Variants in MSR1 observed in about 807,000 individuals in gnomAD.
The protein encoded by MSR1 is macrophage scavenger receptor 1, also known as macrophage scavenger receptor types I and II.
In MSR1, 53 loss-of-function variants were observed where a neutral mutation model predicts 47.2. That is an observed-to-expected ratio of 1.12 (90% CI 0.90 to 1.41). The LOEUF is 1.41. Among genes scored for constraint, MSR1 ranks in the 40% most tolerant of loss-of-function variants. The pLI is 0.00. For missense variants in MSR1, 786 were observed against 546.9 expected (o/e 1.44, Z -4.36); for synonymous variants, 239 against 185.6 (o/e 1.29, Z -2.34).
intron 1 of MSR1, among the ~76,000 whole-genome samples, chr8:16,179,036 GTGGAA>G (rs1470111717): frequency 6.6e-6 from 1 of 152,150 alleles, no homozygotes; most frequent in East Asian, 1.9e-4. Flanking sequence ...ACAGATGTAT[GTGGAA>G]CCCTCTCATG....
Position 16,120,725 on chromosome 8 carries a change from TA to T in MSR1, c.1034-120del, listed in dbSNP as rs1321683414. ...AAAAATGTTTAGCACATTTTCCAAA[TA>T]ACTTCAACTATTGGAATAAATATTA... On this transcript the variant is annotated intron_variant, in intron 8 of 9. Transcript: ENST00000262101. 6.8e-6 allele frequency: 8 copies of T among 1,182,288 alleles called. 1 individual carries two copies. In the African/African-American group the frequency reaches 1.3e-4, roughly 19 times the overall value. 73.2% of individuals were successfully genotyped at this position (1,182,288 alleles called of 1,614,324 possible). A position where few individuals can be genotyped will look rare whatever the true frequency, so the allele number is the denominator to read the frequency against.
chr8:16,108,954 T>C lies in MSR1; in HGVS notation c.*1131A>G, dbSNP rs544673517. On this transcript the variant is annotated 3_prime_UTR_variant, in exon 10 of 10. Coordinates refer to ENST00000262101, the MANE Select transcript of MSR1 (RefSeq NM_138715.3). The stretch of plus-strand genomic sequence containing the variant: ...CATAGGAAACTTCAGAATTCTGTTA[T>C]TTTCAGGGCTGAGGTTGAATTCATT... 1 of 152,234 alleles carries C rather than the reference T, an allele frequency of 6.6e-6. No homozygotes were observed. Among genetic ancestry groups the C allele is most frequent in the South Asian group, 2.1e-4 (1 of 4,818 alleles). The allele number at this position is 152,234 out of a possible 1,614,324, so 9.4% of individuals were successfully genotyped here.
At chr8:16,118,061 C>G (rs568007735) in intron 9 of MSR1, among the ~76,000 whole-genome samples, 1 of 152,126 alleles carries the variant, frequency 6.6e-6, no homozygotes, top group African/African-American at 2.4e-5. Context: ...CTTGTCAGAT[C>G]TCTGCATAAT....
chr8:16,187,640 C>G (rs780564657), intron 1 of MSR1, among the ~76,000 whole-genome samples: 1 of 151,854 alleles, frequency 6.6e-6, no homozygotes, highest in East Asian at 1.9e-4. Context: ...TACATAATGC[C>G]GTATTTAAAA....
At chr8:16,139,288 A>G (rs12718375) in intron 8 of MSR1, 844,274 of 983,608 alleles carry the variant, frequency 0.86, 368,129 homozygotes, top group Non-Finnish European at 0.89. Flanking sequence ...AAGCTATTCC[A>G]GTTCAGAGAG....
intron 8 of MSR1, chr8:16,121,058 T>A: frequency 2.8e-6 from 1 of 359,430 alleles, no homozygotes; most frequent in South Asian, 2.2e-5. Context: ...TATTTTAGAA[T>A]ATCATAAACA....
At chr8:16,147,147 G>T (rs1031351973) in intron 7 of MSR1, among the ~76,000 whole-genome samples, 1 of 152,106 alleles carries the variant, frequency 6.6e-6, no homozygotes, top group Non-Finnish European at 1.5e-5. Context: ...GACGGGCAAG[G>T]TTTCACATCA....
At chr8:16,147,896 T>A (rs1054473154) in intron 7 of MSR1, among the ~76,000 whole-genome samples, 1 of 152,166 alleles carries the variant, frequency 6.6e-6, no homozygotes, top group African/African-American at 2.4e-5. Flanking sequence ...TTTCAAAATG[T>A]GGTCCCTGGA....
intron 9 of MSR1, among the ~76,000 whole-genome samples, chr8:16,118,785 A>T (rs758541798): frequency 1.3e-5 from 2 of 152,180 alleles, no homozygotes; most frequent in African/African-American, 4.8e-5. Flanking sequence ...TTCTCTAGGG[A>T]TGAAGAGTTG....
intron 5 of MSR1, among the ~76,000 whole-genome samples, chr8:16,160,705 G>C (rs574942277): frequency 3.9e-5 from 6 of 151,970 alleles, no homozygotes. Context: ...GAGACGTAGA[G>C]AAGAACCTTT....
intron 8 of MSR1, among the ~76,000 whole-genome samples, chr8:16,138,989 T>C (rs1454292192): frequency 6.6e-6 from 1 of 152,208 alleles, no homozygotes; most frequent in African/African-American, 2.4e-5. Context: ...TCTTGTTTTA[T>C]TAGCCTGACA....
intron 8 of MSR1, among the ~76,000 whole-genome samples, chr8:16,122,790 A>C (rs1298088926): frequency 6.6e-6 from 1 of 151,888 alleles, no homozygotes; most frequent in Non-Finnish European, 1.5e-5. Context: ...ATTTCTGCCA[A>C]ATTCCGTATG....
At chr8:16,149,549 A>G (rs1327497536) in intron 7 of MSR1, among the ~76,000 whole-genome samples, 2 of 152,022 alleles carry the variant, frequency 1.3e-5, no homozygotes, top group African/African-American at 2.4e-5. Context: ...TCTTGATGAT[A>G]ATTCACTTTG....
intron 6 of MSR1, among the ~76,000 whole-genome samples, chr8:16,152,815 A>G (rs1800897135): frequency 6.6e-6 from 1 of 151,998 alleles, no homozygotes; most frequent in Admixed American, 6.6e-5. Flanking sequence ...ATCATCCTGG[A>G]AGCGCTGTGA....
chr8:16,161,032 CATT>C (rs1801145746), intron 5 of MSR1, among the ~76,000 whole-genome samples: 1 of 132,314 alleles, frequency 7.6e-6, no homozygotes, highest in African/African-American at 3.0e-5. Flanking sequence ...TCTTAAATAG[CATT>C]TTTTTTTTTT....
At chr8:16,145,825 T>G (rs1341826418) in intron 7 of MSR1, among the ~76,000 whole-genome samples, 1 of 152,132 alleles carries the variant, frequency 6.6e-6, no homozygotes, top group East Asian at 1.9e-4. Context: ...TCCTTTCTAA[T>G]GGAGAGGAAT....
At chr8:16,120,277 TA>T in intron 9 of MSR1, 140 bp downstream of exon 9, 1 of 849,952 alleles carries the variant, frequency 1.2e-6, no homozygotes, top group Non-Finnish European at 1.9e-6. Flanking sequence ...CTAGGCAGGC[TA>T]AGGGAGGAGA....
In MSR1 at chr8:16,160,850, G is replaced by A. The variant is rs562965526; in HGVS notation, c.817+3215C>T. Among the ~76,000 whole-genome samples the A allele has an allele frequency of 2.6e-5, 4 of 151,968 alleles. No homozygotes were observed. The South Asian group carries it at 8.3e-4, about 32-fold the overall frequency. Reference sequence around the variant, plus strand: ...CCAAGCTAGGCAGAAGGATGACAGAGGGAAGATTGAGAAAATTAGGGCAGA... The same window carrying A: ...CCAAGCTAGGCAGAAGGATGACAGAAGGAAGATTGAGAAAATTAGGGCAGA... On this transcript the variant is annotated intron_variant, in intron 5 of 9. Coordinates refer to ENST00000262101, the MANE Select transcript of MSR1 (RefSeq NM_138715.3).
chr8:16,113,064 C>T (rs1361645629), intron 9 of MSR1, among the ~76,000 whole-genome samples: 1 of 150,746 alleles, frequency 6.6e-6, no homozygotes, highest in African/African-American at 2.4e-5. Flanking sequence ...ATTCTCCTGC[C>T]TCAGCCTCCT....
Sources: allele counts gnomAD v4.1 joint callset (sites outside exome capture counted in the v4.1 genomes callset), GRCh38; gene constraint gnomAD v4.1.1; transcripts MANE v1.5; gene names NCBI Gene and HGNC (gene_info 2026-07-23, HGNC 2026-07-21).